Variants in MYLK4 observed in about 807,000 individuals in gnomAD.
MYLK4 encodes the protein myosin light chain kinase family member 4.
Under a neutral mutation model 48.1 loss-of-function variants are expected in MYLK4, and 46 were observed. The observed-to-expected ratio is 0.96, with a 90% CI of 0.75 to 1.22. The LOEUF is 1.22. MYLK4 is among the 50% of genes most tolerant of loss of function. The pLI is 0.00. For synonymous variants in MYLK4, 170 were observed against 180.8 expected (o/e 0.94, Z 0.48); for missense variants, 451 against 486.1 (o/e 0.93, Z 0.68).
intron 6 of MYLK4, among the ~76,000 whole-genome samples, chr6:2,683,694 C>T (rs907966306): frequency 6.6e-6 from 1 of 152,194 alleles, no homozygotes; most frequent in Non-Finnish European, 1.5e-5. Context: ...GCTGGGATTA[C>T]AGGTGGGAGC....
At chr6:2,689,448 C>G (rs903573787) in intron 3 of MYLK4, among the ~76,000 whole-genome samples, 1 of 152,184 alleles carries the variant, frequency 6.6e-6, no homozygotes, top group Non-Finnish European at 1.5e-5. Flanking sequence ...ATGTCTTAGA[C>G]TTTATTTAAG....
At chr6:2,765,745 G>A in the MYLK4 span, 4 of 1,507,068 alleles carry the variant, frequency 2.7e-6, no homozygotes, top group Non-Finnish European at 3.5e-6. Context: ...GCTGTCTGCT[G>A]CTCCACCCGG....
chr6:2,702,548 T>C (rs1044745509), intron 2 of MYLK4, among the ~76,000 whole-genome samples: 1 of 152,174 alleles, frequency 6.6e-6, no homozygotes, highest in African/African-American at 2.4e-5. Context: ...AGTCTCAGAC[T>C]GGAGGGATAA....
the MYLK4 span, among the ~76,000 whole-genome samples, chr6:2,763,628 C>T: frequency 2.0e-5 from 3 of 152,234 alleles, no homozygotes; most frequent in East Asian, 3.8e-4. Flanking sequence ...CGCGCAGCCC[C>T]GGTTCCCGCC....
At chr6:2,743,537 A>C (rs185503665) in intron 2 of MYLK4, among the ~76,000 whole-genome samples, 1 of 152,342 alleles carries the variant, frequency 6.6e-6, no homozygotes, top group East Asian at 1.9e-4. Context: ...CTGTGTTTGC[A>C]ATCGATTTCT....
rs1561821643 is a variant in MYLK4, at chr6:2,665,867, C to T, written c.*2058G>A. ...TTTTTCCAGGCTCAATGAATATCAT[C>T]AGCTAAAGATAGCATAGTAATATAA... On this transcript the variant is annotated 3_prime_UTR_variant, in exon 13 of 13. Transcript: ENST00000274643. 6.6e-6 allele frequency: 1 copy of T among 152,096 alleles called. No homozygotes were observed. The highest frequency in any genetic ancestry group is 1.5e-5 in the Non-Finnish European group (1 of 68,038). The allele number at this position is 152,096 out of a possible 1,614,324, so 9.4% of individuals were successfully genotyped here. A position where few individuals can be genotyped will look rare whatever the true frequency, so the allele number is the denominator to read the frequency against.
At chr6:2,700,915 C>G (rs904652844) in intron 2 of MYLK4, among the ~76,000 whole-genome samples, 3 of 152,182 alleles carry the variant, frequency 2.0e-5, no homozygotes, top group Non-Finnish European at 4.4e-5. Context: ...AAAAGTATAT[C>G]TAAAAACTAT....
intron 3 of MYLK4, among the ~76,000 whole-genome samples, chr6:2,691,152 A>C (rs1015349924): frequency 6.6e-6 from 1 of 152,226 alleles, no homozygotes; most frequent in Non-Finnish European, 1.5e-5. Context: ...TCTTAACGGC[A>C]GTGAGACTAA....
chr6:2,671,622 A>G (rs557179369), intron 11 of MYLK4, among the ~76,000 whole-genome samples: 1 of 152,270 alleles, frequency 6.6e-6, no homozygotes, highest in Non-Finnish European at 1.5e-5. Flanking sequence ...CATCACACTC[A>G]GGTATGTTTT....
At position 2,685,686 on chromosome 6, in the gene MYLK4, TGAG is replaced by T. The variant is rs1410511839; in HGVS notation, c.342-113_342-111del. ...TGCTGAGTCTGGATGAGCAGCCCTC[TGAG>T]GAGTTCTTTCAGTAAACTTCTAGAG... is the stretch of plus-strand genomic sequence containing the variant. On this transcript the variant is annotated intron_variant, in intron 4 of 12. Coordinates refer to ENST00000274643, the MANE Select transcript of MYLK4 (RefSeq NM_001012418.5). This position sits in a 1 kb window ranked among gnomAD's most constrained non-coding sequence, Gnocchi z 4.5. 1.1e-6 allele frequency: 1 copy of T among 872,754 alleles called. No individual in the cohort carries two copies. Among genetic ancestry groups the T allele is most frequent in the Non-Finnish European group, 1.8e-6 (1 of 550,016 alleles). The allele number at this position is 872,754 out of a possible 1,614,324, so 54.1% of individuals were successfully genotyped here. A position where few individuals can be genotyped will look rare whatever the true frequency, so the allele number is the denominator to read the frequency against.
At position 2,711,403 on chromosome 6, in the gene MYLK4, G is replaced by C. The variant is rs147998957; in HGVS notation, c.160-18544C>G. On this transcript the variant is annotated intron_variant, in intron 2 of 12. Transcript: ENST00000274643. ...AAATTATTGTTAGTGTTCTGGATGTGTTAGCATCCTCCTACCTTCACACTC... is the reference window on the plus strand; with the variant it reads ...AAATTATTGTTAGTGTTCTGGATGTCTTAGCATCCTCCTACCTTCACACTC... 5.5e-3 allele frequency among the ~76,000 whole-genome samples: 841 copies of C among 152,318 alleles called. 10 individuals are homozygous for C. Among genetic ancestry groups the C allele is most frequent in the African/African-American group, 0.019 (802 of 41,568 alleles).
chr6:2,766,567 C>T, the MYLK4 span: 1 of 1,389,030 alleles, frequency 7.2e-7, no homozygotes, highest in East Asian at 2.6e-5. Context: ...TAAGGGGGTG[C>T]AGACTTGGGC....
At chr6:2,676,722 C>T (rs1029570037) in intron 10 of MYLK4, among the ~76,000 whole-genome samples, 1 of 152,170 alleles carries the variant, frequency 6.6e-6, no homozygotes, top group Non-Finnish European at 1.5e-5. Flanking sequence ...GTGAGCGGCA[C>T]TGGAGCCCAC....
the MYLK4 span, among the ~76,000 whole-genome samples, chr6:2,761,942 T>A: frequency 3.3e-5 from 5 of 152,226 alleles, no homozygotes; most frequent in Admixed American, 3.3e-4. Flanking sequence ...AGACGGATTC[T>A]CGCTCTGTCG....
At chr6:2,697,975 G>T (rs1561848506) in intron 2 of MYLK4, among the ~76,000 whole-genome samples, 1 of 152,240 alleles carries the variant, frequency 6.6e-6, no homozygotes, top group Non-Finnish European at 1.5e-5. Flanking sequence ...AAGCCAGGCT[G>T]CCCTGGGGGC....
At chr6:2,765,839 C>G in the MYLK4 span, 1 of 1,382,392 alleles carries the variant, frequency 7.2e-7, no homozygotes, top group Non-Finnish European at 9.3e-7. Flanking sequence ...CAAGAGGCGG[C>G]GGCTGTCGGA....
chr6:2,762,985 C>G, the MYLK4 span, among the ~76,000 whole-genome samples: 2 of 152,152 alleles, frequency 1.3e-5, no homozygotes, highest in African/African-American at 4.8e-5. Flanking sequence ...AAGAACAAAA[C>G]ACCCACACAA....
At chr6:2,737,950 A>C in intron 2 of MYLK4, among the ~76,000 whole-genome samples, 1 of 85,484 alleles carries the variant, frequency 1.2e-5, no homozygotes, top group African/African-American at 4.3e-5. Flanking sequence ...TTATACAACA[A>C]CTCTGCTGGG....
At chr6:2,693,534 G>A (rs533608595) in intron 2 of MYLK4, among the ~76,000 whole-genome samples, 9 of 152,254 alleles carry the variant, frequency 5.9e-5, no homozygotes, top group Middle Eastern at 3.4e-3. Context: ...TGAGCAAACC[G>A]TTAGCTAATG....
Sources: gnomAD v4.1 joint callset for allele counts (sites outside exome capture counted in the v4.1 genomes callset) on GRCh38, gnomAD v4.1.1 for gene constraint, Gnocchi (gnomAD v3.1) non-coding constraint, MANE v1.5 for transcripts, NCBI Gene and HGNC (gene_info 2026-07-23, HGNC 2026-07-21) for gene names.